Variants in ZNF33B observed in about 807,000 individuals in gnomAD.
ZNF33B encodes the protein zinc finger protein 33B.
ZNF33B carries 29 observed loss-of-function variants against 45.8 expected under a neutral mutation model. The observed-to-expected ratio is 0.63, with a 90% confidence interval of 0.47 to 0.86. ZNF33B has a LOEUF of 0.86. ZNF33B is among the 40% of genes least tolerant of loss of function. ZNF33B has a pLI of 0.00. For missense variants in ZNF33B, 831 were observed against 909.9 expected, an observed-to-expected ratio of 0.91 and a Z score of 1.12; for synonymous variants, 305 against 307.8, an observed-to-expected ratio of 0.99 and a Z score of 0.10.
In ZNF33B at chr10:42,592,472, T is replaced by A. The variant is rs1837170451; in HGVS notation, c.*141A>T. On this transcript the variant is annotated 3_prime_UTR_variant, in exon 5 of 5. Coordinates refer to ENST00000359467, the MANE Select transcript of ZNF33B (RefSeq NM_006955.3). The stretch of plus-strand genomic sequence containing the variant: ...TGTTGTAGTCTATGGGTTTATCCCC[T>A]ACTGTTACTTTGGAGTAACATAAGG... The A allele has an allele frequency of 8.3e-7, 1 of 1,205,848 alleles. No individual in the cohort carries two copies. The highest frequency in any genetic ancestry group is 1.2e-6 in the Non-Finnish European group (1 of 854,566). The allele number at this position is 1,205,848 out of a possible 1,614,324, so 74.7% of individuals were successfully genotyped here. A position where few individuals can be genotyped will look rare whatever the true frequency, so the allele number is the denominator to read the frequency against.
intron 3 of ZNF33B, 120 bp downstream of exon 3, chr10:42,632,175 A>C: frequency 6.7e-7 from 1 of 1,500,844 alleles, no homozygotes; most frequent in Non-Finnish European, 9.1e-7. Context: ...CTCAATCAAC[A>C]CTGACTCCTG....
intron 4 of ZNF33B, among the ~76,000 whole-genome samples, chr10:42,617,956 C>T (rs945060963): frequency 8.5e-5 from 13 of 152,178 alleles, no homozygotes; most frequent in Non-Finnish European, 1.5e-4. Context: ...ACACAAACTC[C>T]ATCCTTTTTG....
intron 1 of ZNF33B, chr10:42,579,888 G>A (rs1836800248): frequency 1.3e-5 from 2 of 154,236 alleles, no homozygotes; most frequent in Admixed American, 1.3e-4. Flanking sequence ...TCATTTCCTT[G>A]GAGTCAAAGA....
In ZNF33B at chr10:42,620,410, T is replaced by G. The variant is rs115952360; in HGVS notation, c.250+11519A>C. ...GCTGGCAGAATGGATTTGATTGATT[T>G]ATTTATTTTTTAGACAGGGTCTTGC... On this transcript the variant is annotated intron_variant, in intron 4 of 4. Transcript: ENST00000359467. Among the ~76,000 whole-genome samples, 768 of 152,032 alleles carry G rather than the reference T, an allele frequency of 5.1e-3. 6 individuals are homozygous for G. Among genetic ancestry groups the G allele is most frequent in the African/African-American group, 0.017 (711 of 41,448 alleles).
intron 1 of ZNF33B, chr10:42,583,259 G>A (rs1266049833): frequency 1.7e-6 from 1 of 584,332 alleles, no homozygotes; most frequent in African/African-American, 1.8e-5. Context: ...CAAAAGTGAT[G>A]CCATCACTAA....
intron 1 of ZNF33B, chr10:42,582,272 G>A (rs41301635): frequency 2.6e-5 from 4 of 152,286 alleles, no homozygotes; most frequent in African/African-American, 9.6e-5. Context: ...AATGAACTCT[G>A]GGGTATATAC....
intron 1 of ZNF33B, among the ~76,000 whole-genome samples, chr10:42,575,536 A>C (rs1234043365): frequency 6.6e-6 from 1 of 152,050 alleles, no homozygotes; most frequent in Non-Finnish European, 1.5e-5. Context: ...AGACAAATCA[A>C]TATACCTCTA....
chr10:42,603,191 A>C (rs1023237410), intron 4 of ZNF33B, among the ~76,000 whole-genome samples: 2 of 152,186 alleles, frequency 1.3e-5, no homozygotes, highest in Non-Finnish European at 2.9e-5. Flanking sequence ...AGAGAAAAGC[A>C]AAACACTGCT....
At chr10:42,618,393 A>T (rs1222814133) in intron 4 of ZNF33B, among the ~76,000 whole-genome samples, 1 of 152,354 alleles carries the variant, frequency 6.6e-6, no homozygotes, top group African/African-American at 2.4e-5. Flanking sequence ...TAAAACTGCT[A>T]TAAAATTTTT....
intron 4 of ZNF33B, among the ~76,000 whole-genome samples, chr10:42,612,691 A>T (rs1838152260): frequency 6.6e-6 from 1 of 152,198 alleles, no homozygotes; most frequent in Non-Finnish European, 1.5e-5. Flanking sequence ...ATATGCTTTT[A>T]GGATTAGAGA....
At chr10:42,635,127 G>T (rs1839228616) in intron 2 of ZNF33B, among the ~76,000 whole-genome samples, 1 of 151,970 alleles carries the variant, frequency 6.6e-6, no homozygotes, top group Non-Finnish European at 1.5e-5. Flanking sequence ...TGTAATTTCA[G>T]CTACTGGGGA....
intron 4 of ZNF33B, among the ~76,000 whole-genome samples, chr10:42,627,066 A>G (rs1838842892): frequency 6.6e-6 from 1 of 151,736 alleles, no homozygotes; most frequent in South Asian, 2.1e-4. Flanking sequence ...GCAATGGTGC[A>G]ATCTCAGCTC....
In ZNF33B at chr10:42,636,621, C is replaced by T. The variant is rs572315848; in HGVS notation, c.9+299G>A. 2.5e-4 allele frequency among the ~76,000 whole-genome samples: 38 copies of T among 152,222 alleles called. No homozygotes were observed. In the South Asian group the frequency reaches 7.1e-3, roughly 28 times the overall value. ...CGGATTGCCTGAGCTCAGGAGTTTG[C>T]GACCAGCCAGGGCAACACGGTGAAC... is the stretch of plus-strand genomic sequence containing the variant. On this transcript the variant is annotated intron_variant, in intron 2 of 4. Coordinates refer to ENST00000359467, the MANE Select transcript of ZNF33B (RefSeq NM_006955.3).
At chr10:42,606,222 C>T (rs12262549) in intron 4 of ZNF33B, among the ~76,000 whole-genome samples, 22,861 of 151,840 alleles carry the variant, frequency 0.15, 2,515 homozygotes, top group African/African-American at 0.31. Context: ...CCCAGCACTT[C>T]GGGAGGCCAA....
At chr10:42,635,708 G>T (rs1346298512) in intron 2 of ZNF33B, among the ~76,000 whole-genome samples, 1 of 151,416 alleles carries the variant, frequency 6.6e-6, no homozygotes, top group Non-Finnish European at 1.5e-5. Flanking sequence ...TACTTGGGAG[G>T]CTGAGGCAGG....
chr10:42,597,989 A>C (rs1463335873), intron 4 of ZNF33B, among the ~76,000 whole-genome samples: 1 of 152,176 alleles, frequency 6.6e-6, no homozygotes, highest in Non-Finnish European at 1.5e-5. Flanking sequence ...TGCAAAAAAA[A>C]CCCTATTTTT....
intron 1 of ZNF33B, chr10:42,579,714 C>T (rs1284437906): frequency 6.5e-6 from 1 of 154,104 alleles, no homozygotes. Flanking sequence ...CAGGCTCTCT[C>T]CCAAGAGAAT....
intron 4 of ZNF33B, among the ~76,000 whole-genome samples, chr10:42,597,317 TTTTCC>T (rs1263237076): frequency 6.6e-6 from 1 of 152,122 alleles, no homozygotes; most frequent in East Asian, 1.9e-4. Context: ...AATTATGCTT[TTTTCC>T]TTTAACATAT....
At chr10:42,616,983 C>A (rs866609970) in intron 4 of ZNF33B, among the ~76,000 whole-genome samples, 12 of 151,532 alleles carry the variant, frequency 7.9e-5, no homozygotes, top group African/African-American at 2.9e-4. Flanking sequence ...CATGAACCAA[C>A]GCACCCAGCC....
Sources: gnomAD v4.1 joint callset for allele counts (sites outside exome capture counted in the v4.1 genomes callset) on GRCh38, gnomAD v4.1.1 for gene constraint, MANE v1.5 for transcripts, NCBI Gene and HGNC (gene_info 2026-07-23, HGNC 2026-07-21) for gene names.